Variants in PARP8 observed in about 807,000 individuals in gnomAD.
PARP8 encodes poly(ADP-ribose) polymerase family member 8.
In PARP8, 51 loss-of-function variants were observed where a neutral mutation model predicts 124.1. The ratio of observed to expected loss-of-function variants is 0.41; its 90% CI spans 0.33 to 0.52. The LOEUF (loss-of-function observed/expected upper bound fraction) is 0.52, where lower values mean the gene tolerates loss of function less well. Among genes scored for constraint, PARP8 ranks in the 20% least tolerant of loss-of-function variants. The pLI, the probability that PARP8 is intolerant of heterozygous loss-of-function variation, is 0.21. For synonymous variants in PARP8, 391 were observed against 361.5 expected, an observed-to-expected ratio of 1.08 and a Z score of -0.93; for missense variants, 860 against 1,018.9, an observed-to-expected ratio of 0.84 and a Z score of 2.12.
At chr5:50,716,101 A>T (rs1360283050) in intron 2 of PARP8, among the ~76,000 whole-genome samples, 1 of 152,096 alleles carries the variant, frequency 6.6e-6, no homozygotes, top group East Asian at 1.9e-4. Flanking sequence ...TGATCATGTT[A>T]TATCCCCATG....
At chr5:50,723,873 A>G (rs1756155459) in intron 2 of PARP8, among the ~76,000 whole-genome samples, 1 of 152,116 alleles carries the variant, frequency 6.6e-6, no homozygotes, top group South Asian at 2.1e-4. Flanking sequence ...CATTGAAATT[A>G]TTTTCTAAAA....
At chr5:50,714,748 T>C (rs1158397105) in intron 2 of PARP8, among the ~76,000 whole-genome samples, 1 of 152,124 alleles carries the variant, frequency 6.6e-6, no homozygotes, top group African/African-American at 2.4e-5. Context: ...TCCAACTCTA[T>C]GTGCAGCCTT....
intron 6 of PARP8, 151 bp from the exon 7 acceptor site, chr5:50,762,997 A>G: frequency 9.5e-6 from 5 of 527,180 alleles, no homozygotes; most frequent in Non-Finnish European, 1.4e-5. Flanking sequence ...TTCTAGTCAT[A>G]TGTGAACCTA....
At position 50,729,862 on chromosome 5, in the gene PARP8, T is replaced by C. The variant is rs1158301488; in HGVS notation, c.147-20289T>C. On this transcript the variant is annotated intron_variant, in intron 2 of 25. Coordinates refer to ENST00000281631, the MANE Select transcript of PARP8 (RefSeq NM_024615.4). The stretch of plus-strand genomic sequence containing the variant: ...GGAAAAAAGTATACATTAGGACTAT[T>C]AAGCTTGGCCTTGAAACATTTTCTA... 6.6e-5 allele frequency among the ~76,000 whole-genome samples: 10 copies of C among 152,204 alleles called. No individual in the cohort carries two copies. In the East Asian group the frequency reaches 1.7e-3, roughly 26 times the overall value.
At chr5:50,721,648 CAG>C (rs1411681857) in intron 2 of PARP8, among the ~76,000 whole-genome samples, 2 of 152,054 alleles carry the variant, frequency 1.3e-5, no homozygotes, top group Admixed American at 1.3e-4. Flanking sequence ...CCTCCACTAT[CAG>C]AATGAGATTG....
At chr5:50,679,937 C>T (rs766420571) in intron 2 of PARP8, among the ~76,000 whole-genome samples, 3 of 152,114 alleles carry the variant, frequency 2.0e-5, no homozygotes, top group Non-Finnish European at 2.9e-5. Context: ...TTCTAAATTA[C>T]GGTCAAATTG....
intron 3 of PARP8, chr5:50,757,019 G>A (rs2149569443): frequency 3.1e-6 from 1 of 318,404 alleles, no homozygotes; most frequent in South Asian, 2.6e-5. Context: ...TTTTTCAGTT[G>A]CTGAATGTAG....
intron 2 of PARP8, among the ~76,000 whole-genome samples, chr5:50,718,765 G>A (rs1005986483): frequency 6.6e-6 from 1 of 151,972 alleles, no homozygotes; most frequent in Non-Finnish European, 1.5e-5. Context: ...ATTGCTAATA[G>A]TGCATCAGTA....
intron 3 of PARP8, among the ~76,000 whole-genome samples, chr5:50,759,380 A>G (rs1165839022): frequency 6.6e-6 from 1 of 152,206 alleles, no homozygotes; most frequent in Non-Finnish European, 1.5e-5. Context: ...CATAAGGGAT[A>G]TTACAGATGT....
At chr5:50,694,137 G>C (rs756987762) in intron 2 of PARP8, among the ~76,000 whole-genome samples, 24 of 152,016 alleles carry the variant, frequency 1.6e-4, no homozygotes, top group Non-Finnish European at 2.9e-4. Context: ...AATGAACAAG[G>C]ATCCTTGTAC....
chr5:50,840,266 A>G (rs1380255478), intron 25 of PARP8, among the ~76,000 whole-genome samples: 1 of 151,910 alleles, frequency 6.6e-6, no homozygotes, highest in African/African-American at 2.4e-5. Flanking sequence ...GGACAACCTA[A>G]ATTAATTTAA....
intron 25 of PARP8, among the ~76,000 whole-genome samples, chr5:50,839,871 T>C (rs1049998294): frequency 1.3e-5 from 2 of 151,898 alleles, no homozygotes; most frequent in African/African-American, 4.8e-5. Context: ...AACCCTTCCA[T>C]CTGACTGAAA....
At chr5:50,684,133 T>A (rs1751592779) in intron 2 of PARP8, among the ~76,000 whole-genome samples, 1 of 152,188 alleles carries the variant, frequency 6.6e-6, no homozygotes, top group African/African-American at 2.4e-5. Flanking sequence ...CTGAAAATAT[T>A]AATCTTTCTT....
At chr5:50,778,885 A>G (rs13186653) in intron 9 of PARP8, among the ~76,000 whole-genome samples, 10,197 of 152,210 alleles carry the variant, frequency 0.067, 380 homozygotes, top group Middle Eastern at 0.11. Context: ...TCTGAGACAC[A>G]AACATTTAAA....
intron 2 of PARP8, among the ~76,000 whole-genome samples, chr5:50,702,108 T>C (rs1372776916): frequency 6.6e-6 from 1 of 152,180 alleles, no homozygotes; most frequent in Non-Finnish European, 1.5e-5. Context: ...TTGTACTATT[T>C]ATGTAAGTAT....
At chr5:50,695,130 A>G (rs761477483) in intron 2 of PARP8, among the ~76,000 whole-genome samples, 6 of 152,192 alleles carry the variant, frequency 3.9e-5, no homozygotes, top group Admixed American at 1.3e-4. Flanking sequence ...CAAGAACAAT[A>G]CTTTGCATCC....
At chr5:50,802,138 T>C (rs1380623750) in intron 14 of PARP8, among the ~76,000 whole-genome samples, 1 of 152,212 alleles carries the variant, frequency 6.6e-6, no homozygotes, top group Non-Finnish European at 1.5e-5. Flanking sequence ...TTGTATTATG[T>C]CTATTTTGTT....
Position 50,842,095 on chromosome 5 carries a change from C to G in PARP8, c.*27C>G. ...GGACCACCATTTAATTAACATGATT[C>G]GAAAGCCTTCCTCGGGTTCAAAGCT... is the stretch of plus-strand genomic sequence containing the variant. On this transcript the variant is annotated 3_prime_UTR_variant, in exon 26 of 26. Transcript: ENST00000281631. The G allele has an allele frequency of 3.4e-6, 5 of 1,485,340 alleles. No individual in the cohort carries two copies. The highest frequency in any genetic ancestry group is 4.7e-6 in the Non-Finnish European group (5 of 1,074,444). 92.0% of individuals were successfully genotyped at this position (1,485,340 alleles called of 1,614,324 possible).
chr5:50,814,740 G>T (rs1744896403), intron 14 of PARP8, among the ~76,000 whole-genome samples: 1 of 152,104 alleles, frequency 6.6e-6, no homozygotes, highest in South Asian at 2.1e-4. Flanking sequence ...AGGCACCGTG[G>T]ATTGCATCGT....
Sources: gnomAD v4.1 joint callset for allele counts (sites outside exome capture counted in the v4.1 genomes callset) on GRCh38, gnomAD v4.1.1 for gene constraint, MANE v1.5 for transcripts, NCBI Gene and HGNC (gene_info 2026-07-23, HGNC 2026-07-21) for gene names.